The following PDCD6IP variants were observed in gnomAD, a reference collection of about 807,000 sequenced individuals.
PDCD6IP encodes the protein programmed cell death 6 interacting protein.
A neutral mutation model predicts 103.7 loss-of-function variants in PDCD6IP; 43 were observed. The ratio of observed to expected loss-of-function variants is 0.41; its 90% CI spans 0.32 to 0.53. The LOEUF (loss-of-function observed/expected upper bound fraction) is 0.53, where lower values mean the gene tolerates loss of function less well. Ranked by LOEUF, PDCD6IP falls within the 20% of genes least tolerant of loss-of-function variation. The pLI, the probability that PDCD6IP is intolerant of heterozygous loss-of-function variation, is 0.16. For synonymous variants in PDCD6IP, 354 were observed against 378.7 expected, an observed-to-expected ratio of 0.93 and a Z score of 0.76; for missense variants, 871 against 1,036.7, an observed-to-expected ratio of 0.84 and a Z score of 2.20.
At chr3:33,815,228 G>A (rs1017891599) in intron 3 of PDCD6IP, among the ~76,000 whole-genome samples, 1 of 151,374 alleles carries the variant, frequency 6.6e-6, no homozygotes, top group Non-Finnish European at 1.5e-5. Flanking sequence ...GTAACCATAG[G>A]TTGAATTGGG....
intron 4 of PDCD6IP, among the ~76,000 whole-genome samples, chr3:33,824,025 C>T (rs1697054856): frequency 6.6e-6 from 1 of 152,070 alleles, no homozygotes; most frequent in Non-Finnish European, 1.5e-5. Context: ...TGCCGTTGGG[C>T]AAGTTCTTTA....
In PDCD6IP at chr3:33,844,014, C is replaced by T. The variant is rs1424937676; in HGVS notation, c.1360-98C>T. On this transcript the variant is annotated intron_variant, in intron 10 of 17. Transcript: ENST00000307296. ...TTCTAACCTAGTATTCCCATCTCAC[C>T]AAATTCTCACTTATATTGTGTATGA... 4.2e-6 allele frequency: 3 copies of T among 709,424 alleles called. No homozygotes were observed. The African/African-American group carries it at 5.7e-5, about 13-fold the overall frequency. The allele number at this position is 709,424 out of a possible 1,614,324, so 43.9% of individuals were successfully genotyped here. A position where few individuals can be genotyped will look rare whatever the true frequency, so the allele number is the denominator to read the frequency against.
chr3:33,818,800 A>T (rs1696922357), intron 3 of PDCD6IP, among the ~76,000 whole-genome samples: 1 of 152,048 alleles, frequency 6.6e-6, no homozygotes. Context: ...TACAGGCGTG[A>T]GCCACTGCAC....
intron 4 of PDCD6IP, among the ~76,000 whole-genome samples, chr3:33,822,487 A>C (rs1697015366): frequency 6.6e-6 from 1 of 152,184 alleles, no homozygotes; most frequent in Non-Finnish European, 1.5e-5. Flanking sequence ...TGTTGTTACA[A>C]AAATAAAGAC....
chr3:33,801,389 A>G (rs575104097), intron 1 of PDCD6IP, among the ~76,000 whole-genome samples: 7 of 152,254 alleles, frequency 4.6e-5, no homozygotes, highest in Non-Finnish European at 8.8e-5. Context: ...CCTGATATGC[A>G]GCTCCATATA....
At chr3:33,805,804 G>A (rs1696583488) in intron 1 of PDCD6IP, among the ~76,000 whole-genome samples, 1 of 151,708 alleles carries the variant, frequency 6.6e-6, no homozygotes, top group Non-Finnish European at 1.5e-5. Context: ...GAGTGCAGTG[G>A]CGCGATCTTG....
rs971248025 is a variant in PDCD6IP at position 33,828,360 on chromosome 3, C to G, written c.718-493C>G. On this transcript the variant is annotated intron_variant, in intron 6 of 17. Transcript: ENST00000307296. Reference sequence around the variant, plus strand: ...GGATATGAATTTAAGTGAAAATTTACTGTCTTTTTTTTAAAACATGATGAA... The same window carrying G: ...GGATATGAATTTAAGTGAAAATTTAGTGTCTTTTTTTTAAAACATGATGAA... 88 of 152,112 alleles carry G rather than the reference C, an allele frequency of 5.8e-4. 2 individuals are homozygous for G. The highest frequency in any genetic ancestry group is 4.4e-5 in the Non-Finnish European group (3 of 68,050). The allele number at this position is 152,112 out of a possible 1,614,324, so 9.4% of individuals were successfully genotyped here. A position where few individuals can be genotyped will look rare whatever the true frequency, so the allele number is the denominator to read the frequency against.
chr3:33,829,282 G>A (rs1325492431), intron 7 of PDCD6IP, among the ~76,000 whole-genome samples: 4 of 151,818 alleles, frequency 2.6e-5, no homozygotes, highest in South Asian at 2.1e-4. Flanking sequence ...GTTTTTTGAG[G>A]TCTCATATTT....
intron 1 of PDCD6IP, among the ~76,000 whole-genome samples, chr3:33,806,418 A>G (rs1696599269): frequency 1.3e-5 from 2 of 152,250 alleles, no homozygotes; most frequent in African/African-American, 4.8e-5. Flanking sequence ...ATTCAAACTC[A>G]GGGCTATCTG....
rs1202543891 is a variant in PDCD6IP at position 33,798,739 on chromosome 3, T to G, written c.11T>G (p.Phe4Cys). 1.3e-6 allele frequency: 2 copies of G among 1,562,140 alleles called. No individual in the cohort carries two copies. Among genetic ancestry groups the G allele is most frequent in the Admixed American group, 1.9e-5 (1 of 53,404 alleles). The change falls in exon 1 of 18, where the codon TTC becomes TGC. Residue 4 changes from phenylalanine to cysteine, a missense_variant. Transcript: ENST00000307296. Reference sequence around the variant, plus strand: ...GCGGAGGCGCTGATCATGGCGACATTCATCTCGGTGCAGCTGAAAAAGACC... The same window carrying G: ...GCGGAGGCGCTGATCATGGCGACATGCATCTCGGTGCAGCTGAAAAAGACC... Reference protein sequence around the residue: MATFISVQLKKTSE... With the variant: MATCISVQLKKTSE...
chr3:33,848,497 T>G (rs1697644814), intron 12 of PDCD6IP, among the ~76,000 whole-genome samples: 1 of 151,842 alleles, frequency 6.6e-6, no homozygotes, highest in African/African-American at 2.4e-5. Flanking sequence ...CTCTGCCTCC[T>G]GGGTTCAAGC....
chr3:33,806,793 A>G (rs1034062383), intron 1 of PDCD6IP, among the ~76,000 whole-genome samples: 5 of 152,338 alleles, frequency 3.3e-5, no homozygotes, highest in African/African-American at 9.6e-5. Context: ...ATGAGGGATA[A>G]TACCTTGTGG....
At chr3:33,838,099 ATATT>A (rs1575928022) in intron 8 of PDCD6IP, 101 bp from the exon 9 acceptor site, 15 of 984,598 alleles carry the variant, frequency 1.5e-5, no homozygotes, top group African/African-American at 8.6e-5. Context: ...TAGACAATAA[ATATT>A]TATAGACTAT....
intron 7 of PDCD6IP, chr3:33,835,402 A>G: frequency 2.3e-6 from 1 of 433,570 alleles, no homozygotes; most frequent in Non-Finnish European, 4.6e-6. Context: ...TTTAATTGCT[A>G]ATTCTTTGGA....
intron 1 of PDCD6IP, among the ~76,000 whole-genome samples, chr3:33,806,809 T>C (rs959901792): frequency 2.0e-5 from 3 of 152,234 alleles, no homozygotes; most frequent in African/African-American, 7.2e-5. Context: ...TGTGGAATTA[T>C]ATTGAAGGAG....
chr3:33,808,207 A>G (rs918158964), intron 1 of PDCD6IP, among the ~76,000 whole-genome samples: 5 of 152,312 alleles, frequency 3.3e-5, no homozygotes, highest in East Asian at 3.9e-4. Context: ...GTTAAATCCT[A>G]TGAAGAAAAT....
At chr3:33,852,361 A>G (rs570042385) in intron 12 of PDCD6IP, 127 bp from the exon 13 acceptor site, 1 of 1,405,234 alleles carries the variant, frequency 7.1e-7, no homozygotes, top group East Asian at 2.6e-5. Context: ...CGTTCAATTT[A>G]TATTTGGCTC....
chr3:33,868,941 CAATT>C lies in PDCD6IP; in HGVS notation c.*2419_*2422del, dbSNP rs1698126573. The C allele has an allele frequency of 6.6e-6, 1 of 152,102 alleles. No homozygotes were observed. Among genetic ancestry groups the C allele is most frequent in the African/African-American group, 2.4e-5 (1 of 41,412 alleles). 9.4% of individuals were successfully genotyped at this position (152,102 alleles called of 1,614,324 possible). ...CCCTGTGCCCCTTGGTCTTTATTCTCAATTAAGAAAAACAGTCACATGTCACGAC... is the reference window on the plus strand; with the variant it reads ...CCCTGTGCCCCTTGGTCTTTATTCTCAAGAAAAACAGTCACATGTCACGAC... On this transcript the variant is annotated 3_prime_UTR_variant, in exon 18 of 18. Transcript: ENST00000307296.
At chr3:33,835,905 G>T (rs1446517747) in intron 7 of PDCD6IP, 139 bp from the exon 8 acceptor site, 21 of 602,420 alleles carry the variant, frequency 3.5e-5, no homozygotes, top group East Asian at 1.4e-4. Flanking sequence ...AGGTAACCCT[G>T]TCAGCCACAT....
Sources: allele counts gnomAD v4.1 joint callset (sites outside exome capture counted in the v4.1 genomes callset), GRCh38; gene constraint gnomAD v4.1.1; transcripts MANE v1.5; gene names NCBI Gene and HGNC (gene_info 2026-07-23, HGNC 2026-07-21).